The following PAK5 variants were observed in gnomAD, a reference collection of about 807,000 sequenced individuals.
The protein encoded by PAK5 is p21 (RAC1) activated kinase 5.
PAK5 carries 16 observed loss-of-function variants against 65.9 expected under a neutral mutation model. The ratio of observed to expected loss-of-function variants is 0.24; its 90% CI spans 0.16 to 0.37. The LOEUF is 0.37. Ranked by LOEUF, PAK5 falls within the 10% of genes least tolerant of loss-of-function variation. The pLI is 1.00. For synonymous variants in PAK5, 371 were observed against 354.9 expected (o/e 1.05, Z -0.51); for missense variants, 785 against 903.9 (o/e 0.87, Z 1.69).
At chr20:9,628,327 T>C (rs1423050451) in intron 3 of PAK5, among the ~76,000 whole-genome samples, 1 of 152,152 alleles carries the variant, frequency 6.6e-6, no homozygotes, top group African/African-American at 2.4e-5. Context: ...TTATTTATCT[T>C]GGATGGTTTG....
chr20:9,835,771 G>A (rs1229306924), intron 1 of PAK5, among the ~76,000 whole-genome samples: 2 of 152,174 alleles, frequency 1.3e-5, no homozygotes, highest in Non-Finnish European at 2.9e-5. Flanking sequence ...GGAGGGTCAA[G>A]GGAAAGGAGG....
At chr20:9,778,310 T>G (rs1217049510) in intron 1 of PAK5, among the ~76,000 whole-genome samples, 1 of 152,202 alleles carries the variant, frequency 6.6e-6, no homozygotes, top group African/African-American at 2.4e-5. Context: ...TGATTACAAC[T>G]CATTGTAGCC....
chr20:9,717,326 T>C (rs1385337227), intron 1 of PAK5, among the ~76,000 whole-genome samples: 3 of 152,186 alleles, frequency 2.0e-5, no homozygotes, highest in Non-Finnish European at 4.4e-5. Context: ...TGAGATTATT[T>C]ACTCATCTGA....
intron 3 of PAK5, among the ~76,000 whole-genome samples, chr20:9,633,624 T>A (rs1057314096): frequency 6.6e-6 from 1 of 152,230 alleles, no homozygotes; most frequent in African/African-American, 2.4e-5. Flanking sequence ...TAGAGATTAC[T>A]ACAGATTTGA....
At chr20:9,739,473 T>C (rs997417120) in intron 1 of PAK5, among the ~76,000 whole-genome samples, 3 of 152,196 alleles carry the variant, frequency 2.0e-5, no homozygotes, top group African/African-American at 7.2e-5. Context: ...GTTTATGTTA[T>C]GGGAGTTGAA....
Position 9,825,057 on chromosome 20 carries a change from G to A in PAK5, c.-162+13705C>T, listed in dbSNP as rs572085934. Reference sequence around the variant, plus strand: ...GACACTAGCCTAATAGACAGATCCAGTTATCTTGTTTTGATCCTACTAGTT... The same window carrying A: ...GACACTAGCCTAATAGACAGATCCAATTATCTTGTTTTGATCCTACTAGTT... On this transcript the variant is annotated intron_variant, in intron 1 of 9. Transcript: ENST00000353224. 2.0e-5 allele frequency among the ~76,000 whole-genome samples: 3 copies of A among 152,278 alleles called. No individual in the cohort carries two copies. In the East Asian group the frequency reaches 5.8e-4, roughly 29 times the overall value.
chr20:9,822,637 A>C (rs1463734135), intron 1 of PAK5, among the ~76,000 whole-genome samples: 4 of 152,214 alleles, frequency 2.6e-5, no homozygotes, highest in African/African-American at 9.6e-5. Context: ...TTTTCTTACA[A>C]CAACTTCTAA....
chr20:9,624,193 G>C (rs1481215926), intron 3 of PAK5, among the ~76,000 whole-genome samples: 1 of 152,154 alleles, frequency 6.6e-6, no homozygotes, highest in Non-Finnish European at 1.5e-5. Flanking sequence ...TTGGCAGAAA[G>C]AGTTTTTGCT....
chr20:9,621,424 GAC>G (rs2046766467), intron 3 of PAK5, among the ~76,000 whole-genome samples: 1 of 86,342 alleles, frequency 1.2e-5, no homozygotes, highest in Non-Finnish European at 2.6e-5. Context: ...AAAAAAAAAA[GAC>G]ACACCTAGGC....
At position 9,802,918 on chromosome 20, in the gene PAK5, A is replaced by G. The variant is rs779034720; in HGVS notation, c.-162+35844T>C. Reference sequence around the variant, plus strand: ...CTATTGTATATGTATGTGTATATATATATATATATATATATGAATTACTAA... The same window carrying G: ...CTATTGTATATGTATGTGTATATATGTATATATATATATATGAATTACTAA... On this transcript the variant is annotated intron_variant, in intron 1 of 9. Transcript: ENST00000353224. 2.5e-3 allele frequency among the ~76,000 whole-genome samples: 319 copies of G among 126,794 alleles called. 8 individuals carry two copies. Among genetic ancestry groups the G allele is most frequent in the Middle Eastern group, 0.012 (3 of 254 alleles). The allele number at this position is 126,794 out of a possible 152,430, so 83.2% of individuals were successfully genotyped here.
chr20:9,574,644 A>G (rs2045854012), intron 4 of PAK5, among the ~76,000 whole-genome samples: 1 of 152,232 alleles, frequency 6.6e-6, no homozygotes, highest in Non-Finnish European at 1.5e-5. Context: ...AATACAATTT[A>G]TTTTGAATCA....
At chr20:9,715,651 G>A (rs1369915962) in intron 1 of PAK5, among the ~76,000 whole-genome samples, 1 of 151,894 alleles carries the variant, frequency 6.6e-6, no homozygotes, top group Non-Finnish European at 1.5e-5. Flanking sequence ...CAACTCAAAT[G>A]TCCAACAATG....
In PAK5 at chr20:9,642,034, C is replaced by T. The variant is rs568983963; in HGVS notation, c.204+2091G>A. ...GCCTTGGCCAGCCCAGAAAGGGGCT[C>T]CCACAGTGCAGCGGGGGGGCTGAAG... On this transcript the variant is annotated intron_variant, in intron 3 of 9. Transcript: ENST00000353224. 3.9e-5 allele frequency among the ~76,000 whole-genome samples: 6 copies of T among 152,308 alleles called. No individual in the cohort carries two copies. The South Asian group carries it at 1.2e-3, about 32-fold the overall frequency.
chr20:9,599,966 A>G (rs1197403457), intron 3 of PAK5, among the ~76,000 whole-genome samples: 3 of 152,084 alleles, frequency 2.0e-5, no homozygotes, highest in Non-Finnish European at 4.4e-5. Context: ...TCCTTCTAAA[A>G]GTTTTATAGT....
At chr20:9,776,823 C>T (rs2048891986) in intron 1 of PAK5, among the ~76,000 whole-genome samples, 2 of 152,142 alleles carry the variant, frequency 1.3e-5, no homozygotes, top group African/African-American at 2.4e-5. Context: ...AGAACTTGAG[C>T]CAGAGACACC....
At chr20:9,837,221 C>T (rs1163288251) in intron 1 of PAK5, among the ~76,000 whole-genome samples, 6 of 152,334 alleles carry the variant, frequency 3.9e-5, no homozygotes, top group African/African-American at 1.4e-4. Flanking sequence ...AGCAGTGCAT[C>T]TGCCTTGCAC....
intron 3 of PAK5, among the ~76,000 whole-genome samples, chr20:9,618,924 T>TGG (rs2046718330): frequency 1.0e-5 from 1 of 98,304 alleles, no homozygotes; most frequent in African/African-American, 3.9e-5. Context: ...CGTTTTTTTT[T>TGG]TTTTTTTTTT....
intron 1 of PAK5, among the ~76,000 whole-genome samples, chr20:9,732,780 A>G (rs1033049944): frequency 5.3e-5 from 8 of 152,138 alleles, no homozygotes; most frequent in South Asian, 2.1e-4. Context: ...TCATACCCCA[A>G]CAAAATCCCC....
rs1234573376 is a variant in PAK5 at position 9,790,170 on chromosome 20, T to A, written c.-162+48592A>T. Among the ~76,000 whole-genome samples, 3 of 152,154 alleles carry A rather than the reference T, an allele frequency of 2.0e-5. No homozygotes were observed. The South Asian group carries it at 6.2e-4, about 32-fold the overall frequency. ...TTCCTCTACGGGTCCTGCTATTGTGTTTGAAGTTCCTGCAATCTACTGCTT... is the reference window on the plus strand; with the variant it reads ...TTCCTCTACGGGTCCTGCTATTGTGATTGAAGTTCCTGCAATCTACTGCTT... On this transcript the variant is annotated intron_variant, in intron 1 of 9. Coordinates refer to ENST00000353224, the MANE Select transcript of PAK5 (RefSeq NM_177990.4).
Sources: allele counts gnomAD v4.1 joint callset (sites outside exome capture counted in the v4.1 genomes callset), GRCh38; gene constraint gnomAD v4.1.1; transcripts MANE v1.5; gene names NCBI Gene and HGNC (gene_info 2026-07-23, HGNC 2026-07-21).